NETO2: variants seen among roughly 807,000 people sequenced by gnomAD.
NETO2 encodes the protein neuropilin and tolloid like 2.
NETO2 carries 28 observed loss-of-function variants against 62.5 expected under a neutral mutation model. The observed-to-expected ratio is 0.45, with a 90% CI of 0.33 to 0.61. The LOEUF (loss-of-function observed/expected upper bound fraction) is 0.61, where lower values mean the gene tolerates loss of function less well. NETO2 is among the 20% of genes least tolerant of loss of function. The probability of loss-of-function intolerance (pLI) is 0.02; values close to 1 mark genes in which losing one functional copy is unlikely to be tolerated. For missense variants in NETO2, 548 were observed against 643.2 expected, an observed-to-expected ratio of 0.85 and a Z score of 1.60; for synonymous variants, 214 against 219.1, an observed-to-expected ratio of 0.98 and a Z score of 0.21.
At position 47,084,933 on chromosome 16, in the gene NETO2, G is replaced by A. The variant is rs143925522; in HGVS notation, c.998-1132C>T. The stretch of plus-strand genomic sequence containing the variant: ...TAATAAAGTGCCCAATAAATGTAAC[G>A]CGCTTAAATCATCCTGAAACCAACC... On this transcript the variant is annotated intron_variant, in intron 8 of 8. Coordinates refer to ENST00000562435, the MANE Select transcript of NETO2 (RefSeq NM_018092.5). Among the ~76,000 whole-genome samples the A allele has an allele frequency of 7.6e-4, 116 of 152,136 alleles. 1 individual carries two copies. Among genetic ancestry groups the A allele is most frequent in the African/African-American group, 2.4e-3 (100 of 41,496 alleles).
At chr16:47,141,899 A>G (rs1964467331) in intron 1 of NETO2, among the ~76,000 whole-genome samples, 1 of 152,248 alleles carries the variant, frequency 6.6e-6, no homozygotes. Flanking sequence ...CAAAGGCAGA[A>G]ACGCTGCAAA....
Position 47,081,086 on chromosome 16 carries a change from A to T in NETO2, c.*2135T>A, listed in dbSNP as rs1271245470. On this transcript the variant is annotated 3_prime_UTR_variant, in exon 9 of 9. Transcript: ENST00000562435. ...TATAAATAGAAATCAAATTTCAAAA[A>T]CAAAAATGTAGTTACAAGTGACTAT... The T allele has an allele frequency of 1.3e-5, 2 of 152,194 alleles. No individual in the cohort carries two copies. The highest frequency in any genetic ancestry group is 2.9e-5 in the Non-Finnish European group (2 of 68,000). 9.4% of individuals were successfully genotyped at this position (152,194 alleles called of 1,614,324 possible).
At chr16:47,086,121 A>AAAT in intron 8 of NETO2, 105 bp downstream of exon 8, 2 of 756,456 alleles carry the variant, frequency 2.6e-6, no homozygotes, top group Non-Finnish European at 4.6e-6. Context: ...AACAAACAAA[A>AAAT]AGCAGCTATG....
chr16:47,103,018 T>G (rs953027166), intron 7 of NETO2, among the ~76,000 whole-genome samples: 1 of 152,130 alleles, frequency 6.6e-6, no homozygotes, highest in East Asian at 1.9e-4. Flanking sequence ...CTATTCATAA[T>G]AGCAAAGACT....
chr16:47,108,916 A>G (rs1963729606), intron 7 of NETO2, among the ~76,000 whole-genome samples: 1 of 152,228 alleles, frequency 6.6e-6, no homozygotes, highest in South Asian at 2.1e-4. Context: ...GATCTATGGC[A>G]TATCTAAATC....
At chr16:47,120,145 A>G (rs761953210) in intron 6 of NETO2, among the ~76,000 whole-genome samples, 8 of 152,208 alleles carry the variant, frequency 5.3e-5, no homozygotes, top group Non-Finnish European at 1.2e-4. Context: ...TTTTAAGGCT[A>G]TATTAATACC....
In NETO2 at chr16:47,083,705, G is replaced by A; in HGVS notation, c.1094C>T (p.Ser365Phe). ...SGIVLVLLII[S>F]ILVQVKQPRK... ...AGGCTGTTTCACTTGTACTAAAATA[G>A]AAATAATGAGAAGGACCAAGACAAT... The change falls in exon 9 of 9, where the codon TCT (serine) becomes TTT (phenylalanine). Residue 365 changes from serine (S) to phenylalanine (F), a missense_variant. Ser to Phe is a radical substitution (Grantham distance 155, BLOSUM62 -2). Coordinates refer to ENST00000562435, the MANE Select transcript of NETO2 (RefSeq NM_018092.5). 2 of 1,614,110 alleles carry A rather than the reference G, an allele frequency of 1.2e-6. No individual in the cohort carries two copies. Among genetic ancestry groups the A allele is most frequent in the Non-Finnish European group, 1.7e-6 (2 of 1,180,002 alleles).
chr16:47,127,728 G>A (rs1045383118), intron 4 of NETO2, among the ~76,000 whole-genome samples: 1 of 152,174 alleles, frequency 6.6e-6, no homozygotes, highest in Non-Finnish European at 1.5e-5. Context: ...CAAATTTGAG[G>A]TAATTAGTTA....
chr16:47,089,319 T>C (rs1041410510), intron 7 of NETO2, among the ~76,000 whole-genome samples: 1 of 152,194 alleles, frequency 6.6e-6, no homozygotes. Context: ...AACAATGGGC[T>C]AGTAATCAAT....
At chr16:47,092,685 A>G (rs908788157) in intron 7 of NETO2, among the ~76,000 whole-genome samples, 1 of 152,190 alleles carries the variant, frequency 6.6e-6, no homozygotes, top group African/African-American at 2.4e-5. Context: ...CAGCCTCTGC[A>G]TAGTTTTTTA....
At chr16:47,111,346 T>C (rs955729722) in intron 6 of NETO2, among the ~76,000 whole-genome samples, 5 of 152,258 alleles carry the variant, frequency 3.3e-5, no homozygotes, top group Admixed American at 6.5e-5. Context: ...TATAAGGCTA[T>C]AGTAAATGCT....
chr16:47,126,256 A>G (rs546533442), intron 4 of NETO2, among the ~76,000 whole-genome samples: 1 of 152,348 alleles, frequency 6.6e-6, no homozygotes. Context: ...GATGTCCTTC[A>G]GTAGAATGAA....
At position 47,083,148 on chromosome 16, in the gene NETO2, C is replaced by T; in HGVS notation, c.*73G>A. The T allele has an allele frequency of 5.1e-6, 7 of 1,361,764 alleles. No homozygotes were observed. The highest frequency in any genetic ancestry group is 7.1e-6 in the Non-Finnish European group (7 of 990,422). 84.4% of individuals were successfully genotyped at this position (1,361,764 alleles called of 1,614,324 possible). The stretch of plus-strand genomic sequence containing the variant: ...TGTGATGGGAGAAAAGGGTTGGCTG[C>T]TGGAAACAGTATGGTGCCCTGGAGG... On this transcript the variant is annotated 3_prime_UTR_variant, in exon 9 of 9. Coordinates refer to ENST00000562435, the MANE Select transcript of NETO2 (RefSeq NM_018092.5).
chr16:47,094,404 TTTATTTATTTAC>T (rs1006067584), intron 7 of NETO2, among the ~76,000 whole-genome samples: 9 of 120,304 alleles, frequency 7.5e-5, no homozygotes, highest in Non-Finnish European at 1.3e-4. Context: ...GAAGGTTTGT[TTTATTTATTTAC>T]TTATTTATTT....
rs577949433 is a variant in NETO2 at position 47,129,431 on chromosome 16, C to A, written c.92-67G>T. On this transcript the variant is annotated intron_variant, in intron 2 of 8. Transcript: ENST00000562435. ...GAGAATCATTCTTCTCTTTCCCCCACCACTTTCCAAACGATTGCTCACTCT... is the reference window on the plus strand; with the variant it reads ...GAGAATCATTCTTCTCTTTCCCCCAACACTTTCCAAACGATTGCTCACTCT... 5 of 1,533,248 alleles carry A rather than the reference C, an allele frequency of 3.3e-6. No individual in the cohort carries two copies. In the African/African-American group the frequency reaches 5.5e-5, roughly 17 times the overall value. 95.0% of individuals were successfully genotyped at this position (1,533,248 alleles called of 1,614,324 possible).
chr16:47,115,972 C>T (rs936707588), intron 6 of NETO2, among the ~76,000 whole-genome samples: 1 of 151,694 alleles, frequency 6.6e-6, no homozygotes, highest in African/African-American at 2.4e-5. Flanking sequence ...TTTATATAGA[C>T]AACGATATCT....
intron 6 of NETO2, among the ~76,000 whole-genome samples, chr16:47,118,321 C>T (rs919283997): frequency 6.6e-6 from 1 of 152,152 alleles, no homozygotes; most frequent in Admixed American, 6.5e-5. Flanking sequence ...ACTGCTGCCA[C>T]GTTTCCCTGG....
chr16:47,124,195 C>G lies in NETO2; in HGVS notation c.482-1283G>C, dbSNP rs531888773. Among the ~76,000 whole-genome samples the G allele has an allele frequency of 6.8e-4, 103 of 152,112 alleles. 1 individual carries two copies. Among genetic ancestry groups the G allele is most frequent in the African/African-American group, 2.4e-3 (98 of 41,502 alleles). On this transcript the variant is annotated intron_variant, in intron 4 of 8. Coordinates refer to ENST00000562435, the MANE Select transcript of NETO2 (RefSeq NM_018092.5). ...ACTTTATAAACAAAACTCATCCTTG[C>G]TGAAAGAGGACAATAGACACTTCTG... is the stretch of plus-strand genomic sequence containing the variant.
At chr16:47,109,459 A>G (rs765639045) in intron 7 of NETO2, 24 bp downstream of exon 7, 5 of 1,542,572 alleles carry the variant, frequency 3.2e-6, no homozygotes, top group African/African-American at 2.7e-5. Context: ...AAAGATCTCA[A>G]TACTATAGGA....
Sources: gnomAD v4.1 joint callset for allele counts (sites outside exome capture counted in the v4.1 genomes callset) on GRCh38, gnomAD v4.1.1 for gene constraint, MANE v1.5 for transcripts, NCBI Gene and HGNC (gene_info 2026-07-23, HGNC 2026-07-21) for gene names.